SLC38A9: variants seen among roughly 807,000 people sequenced by gnomAD.
The protein encoded by SLC38A9 is solute carrier family 38 member 9, also known as neutral amino acid transporter 9.
SLC38A9 carries 48 observed loss-of-function variants against 62.3 expected under a neutral mutation model. That is an observed-to-expected ratio of 0.77 (90% CI 0.61 to 0.98). SLC38A9 has a LOEUF of 0.98. Among genes scored for constraint, SLC38A9 ranks in the 50% least tolerant of loss-of-function variants. The pLI, the probability that SLC38A9 is intolerant of heterozygous loss-of-function variation, is 0.00. For synonymous variants in SLC38A9, 204 were observed against 227.7 expected (o/e 0.90, Z 0.94); for missense variants, 541 against 679.8 (o/e 0.80, Z 2.27).
chr5:55,712,011 C>T (rs967173387), intron 1 of SLC38A9, among the ~76,000 whole-genome samples: 10 of 152,160 alleles, frequency 6.6e-5, no homozygotes, highest in African/African-American at 2.2e-4. Flanking sequence ...TTGAGGAGCG[C>T]GCGCCGTGCC....
chr5:55,643,959 T>C (rs1745850988), intron 12 of SLC38A9, among the ~76,000 whole-genome samples: 1 of 151,648 alleles, frequency 6.6e-6, no homozygotes, highest in Non-Finnish European at 1.5e-5. Context: ...AAATCTCTTT[T>C]ATTTATTTAT....
At chr5:55,658,366 C>A (rs1011736576) in intron 8 of SLC38A9, among the ~76,000 whole-genome samples, 3 of 152,172 alleles carry the variant, frequency 2.0e-5, no homozygotes, top group African/African-American at 7.2e-5. Context: ...GTTGGCCAGG[C>A]TGGTCTCAAA....
In SLC38A9 at chr5:55,626,440, G is replaced by A; in HGVS notation, c.*54C>T. On this transcript the variant is annotated 3_prime_UTR_variant, in exon 16 of 16. Coordinates refer to ENST00000396865, the MANE Select transcript of SLC38A9 (RefSeq NM_173514.4). ...TTTACAAGTGAATTTATATAGAACT[G>A]TTGTCAAGGCTCAAAATATCATGAG... The A allele has an allele frequency of 2.8e-6, 4 of 1,440,388 alleles. No homozygotes were observed. The South Asian group carries it at 3.8e-5, about 14-fold the overall frequency. 89.2% of individuals were successfully genotyped at this position (1,440,388 alleles called of 1,614,324 possible). A position where few individuals can be genotyped will look rare whatever the true frequency, so the allele number is the denominator to read the frequency against.
intron 3 of SLC38A9, chr5:55,691,291 C>T (rs1452761801): frequency 6.7e-7 from 1 of 1,501,374 alleles, no homozygotes; most frequent in Non-Finnish European, 8.9e-7. Flanking sequence ...GACAACAGAG[C>T]CCTGGAGGGA....
intron 14 of SLC38A9, among the ~76,000 whole-genome samples, chr5:55,630,517 C>A (rs1743251005): frequency 6.6e-6 from 1 of 152,116 alleles, no homozygotes; most frequent in Non-Finnish European, 1.5e-5. Flanking sequence ...GGGGTTTCAC[C>A]ATGGTGGCCA....
At chr5:55,666,876 G>A (rs541511842) in intron 7 of SLC38A9, among the ~76,000 whole-genome samples, 20 of 143,654 alleles carry the variant, frequency 1.4e-4, no homozygotes, top group South Asian at 9.0e-4. Flanking sequence ...TTAGCCGGGC[G>A]TGGTGGTGGG....
At chr5:55,705,718 T>G (rs938259229) in intron 2 of SLC38A9, among the ~76,000 whole-genome samples, 1 of 151,920 alleles carries the variant, frequency 6.6e-6, no homozygotes, top group African/African-American at 2.4e-5. Flanking sequence ...CTCTTTTTTT[T>G]TTTTTTGGTG....
chr5:55,644,329 T>C (rs575919667), intron 12 of SLC38A9, among the ~76,000 whole-genome samples: 6 of 150,510 alleles, frequency 4.0e-5, no homozygotes, highest in Admixed American at 3.3e-4. Flanking sequence ...ATCTACTATG[T>C]TGCTATTTGT....
At chr5:55,698,314 C>A (rs1235444342) in intron 2 of SLC38A9, among the ~76,000 whole-genome samples, 2 of 151,956 alleles carry the variant, frequency 1.3e-5, no homozygotes, top group African/African-American at 4.8e-5. Context: ...GCATCAAAAA[C>A]AGTAAGGAAA....
chr5:55,707,358 G>T (rs1757421796), intron 2 of SLC38A9, among the ~76,000 whole-genome samples: 1 of 152,116 alleles, frequency 6.6e-6, no homozygotes, highest in Admixed American at 6.5e-5. Context: ...GTATTAATTT[G>T]TCAGACATTA....
At chr5:55,701,549 A>G (rs909053823) in intron 2 of SLC38A9, among the ~76,000 whole-genome samples, 1 of 152,156 alleles carries the variant, frequency 6.6e-6, no homozygotes, top group Admixed American at 6.5e-5. Context: ...CCACAACAGC[A>G]TTCTAATGGA....
intron 3 of SLC38A9, among the ~76,000 whole-genome samples, chr5:55,689,046 GA>G (rs1754364727): frequency 3.3e-5 from 5 of 152,224 alleles, no homozygotes; most frequent in Admixed American, 2.6e-4. Flanking sequence ...GCTAGTGTTA[GA>G]ATAAGTATCA....
chr5:55,643,867 T>C (rs2150120359), intron 12 of SLC38A9, among the ~76,000 whole-genome samples: 1 of 152,364 alleles, frequency 6.6e-6, no homozygotes, highest in East Asian at 1.9e-4. Flanking sequence ...TTATGTTTAA[T>C]ATTTGCATGG....
intron 11 of SLC38A9, among the ~76,000 whole-genome samples, chr5:55,646,915 T>C (rs1021922350): frequency 6.6e-6 from 1 of 152,106 alleles, no homozygotes; most frequent in African/African-American, 2.4e-5. Context: ...CACACCCAGC[T>C]AAGTTTAAAA....
At position 55,676,851 on chromosome 5, in the gene SLC38A9, TA is replaced by T. The variant is rs34474052; in HGVS notation, c.114-4157del. Among the ~76,000 whole-genome samples, 12 of 150,382 alleles carry T rather than the reference TA, an allele frequency of 8.0e-5. No homozygotes were observed. The South Asian group carries it at 8.4e-4, about 10-fold the overall frequency. ...TAATCGTCTGAGAAAGTAGTTGCTT[TA>T]AAAAAAAAACATGTTACACAAAGAA... is the stretch of plus-strand genomic sequence containing the variant. On this transcript the variant is annotated intron_variant, in intron 3 of 15. Transcript: ENST00000396865.
At position 55,697,871 on chromosome 5, in the gene SLC38A9, C is replaced by A; in HGVS notation, c.88G>T (p.Glu30Ter). 1 of 1,590,672 alleles carries A rather than the reference C, an allele frequency of 6.3e-7. No homozygotes were observed. Among genetic ancestry groups the A allele is most frequent in the Admixed American group, 1.8e-5 (1 of 54,284 alleles). Residue 30 changes from glutamate (E) to a stop codon, truncating the protein, a stop_gained, in exon 3 of 16, where the codon GAG (glutamate) becomes TAG (stop). Transcript: ENST00000396865. LOFTEE classifies it high-confidence loss of function. ...RDPGPMNIQFEPSDLRSKRPF... is the reference protein window; with the variant it reads ...RDPGPMNIQF ...CTTTTGGATCTTAGATCCGATGGCTCAAACTGGATATTCATAGGTCCAGGA... is the reference window on the plus strand; with the variant it reads ...CTTTTGGATCTTAGATCCGATGGCTAAAACTGGATATTCATAGGTCCAGGA...
intron 4 of SLC38A9, among the ~76,000 whole-genome samples, chr5:55,671,425 C>T (rs1751299265): frequency 6.6e-6 from 1 of 151,598 alleles, no homozygotes; most frequent in Non-Finnish European, 1.5e-5. Context: ...CTCTTTGACT[C>T]CTGGTTTTGA....
At chr5:55,639,231 C>T (rs1245545129) in intron 12 of SLC38A9, among the ~76,000 whole-genome samples, 2 of 147,510 alleles carry the variant, frequency 1.4e-5, no homozygotes, top group Admixed American at 6.8e-5. Flanking sequence ...CAAGATGGTG[C>T]CACTGCACTC....
At chr5:55,711,837 C>A (rs1316903577) in intron 1 of SLC38A9, among the ~76,000 whole-genome samples, 15 of 152,202 alleles carry the variant, frequency 9.9e-5, no homozygotes, top group Admixed American at 9.8e-4. Context: ...CCCATTCCTG[C>A]AAGTCCCACA....
Sources: gnomAD v4.1 joint callset for allele counts (sites outside exome capture counted in the v4.1 genomes callset) on GRCh38, gnomAD v4.1.1 for gene constraint, MANE v1.5 for transcripts, NCBI Gene and HGNC (gene_info 2026-07-23, HGNC 2026-07-21) for gene names.